The following ASTN2 variants were observed in gnomAD, a reference collection of about 807,000 sequenced individuals.
ASTN2 encodes the protein astrotactin 2.
Under a neutral mutation model 139.8 loss-of-function variants are expected in ASTN2, and 54 were observed. That is an observed-to-expected ratio of 0.39 (90% confidence interval 0.31 to 0.48). The LOEUF (loss-of-function observed/expected upper bound fraction) is 0.48, where lower values mean the gene tolerates loss of function less well. ASTN2 is among the 20% of genes least tolerant of loss of function. The probability of loss-of-function intolerance (pLI) is 0.95; values close to 1 mark genes in which losing one functional copy is unlikely to be tolerated. For synonymous variants in ASTN2, 756 were observed against 719.5 expected, an observed-to-expected ratio of 1.05 and a Z score of -0.81; for missense variants, 1,565 against 1,725.1, an observed-to-expected ratio of 0.91 and a Z score of 1.64.
chr9:116,815,366 G>A (rs989081444), intron 12 of ASTN2, among the ~76,000 whole-genome samples: 2 of 152,064 alleles, frequency 1.3e-5, no homozygotes, highest in African/African-American at 4.8e-5. Context: ...TGTGTTTTTA[G>A]GGCACTTTCA....
At chr9:116,564,009 A>G (rs1853057585) in intron 19 of ASTN2, among the ~76,000 whole-genome samples, 1 of 152,094 alleles carries the variant, frequency 6.6e-6, no homozygotes, top group Non-Finnish European at 1.5e-5. Context: ...TATACCATAA[A>G]CTCTTTGCAA....
chr9:117,263,706 T>C (rs780575760), intron 2 of ASTN2, among the ~76,000 whole-genome samples: 2 of 152,192 alleles, frequency 1.3e-5, no homozygotes, highest in Non-Finnish European at 2.9e-5. Context: ...AGAATTGTGG[T>C]AATATGGTTT....
At chr9:116,779,142 G>T (rs1395519931) in intron 13 of ASTN2, among the ~76,000 whole-genome samples, 1 of 152,076 alleles carries the variant, frequency 6.6e-6, no homozygotes, top group African/African-American at 2.4e-5. Context: ...TCCTGTTATG[G>T]TCTGTCCCCA....
chr9:116,725,526 T>C (rs1216678974), intron 16 of ASTN2, among the ~76,000 whole-genome samples: 2 of 152,032 alleles, frequency 1.3e-5, no homozygotes, highest in Non-Finnish European at 2.9e-5. Flanking sequence ...TTCTGGAGTC[T>C]AGAACACTAA....
intron 3 of ASTN2, among the ~76,000 whole-genome samples, chr9:117,178,482 C>G (rs1166537253): frequency 6.6e-6 from 1 of 152,106 alleles, no homozygotes; most frequent in African/African-American, 2.4e-5. Flanking sequence ...ACTTAAGGAC[C>G]AGAGATATAT....
intron 10 of ASTN2, among the ~76,000 whole-genome samples, chr9:116,881,615 C>G (rs1588379883): frequency 6.6e-6 from 1 of 152,338 alleles, no homozygotes; most frequent in Non-Finnish European, 1.5e-5. Flanking sequence ...TGTAAATTCC[C>G]TTTTACTGCA....
intron 1 of ASTN2, among the ~76,000 whole-genome samples, chr9:117,314,956 A>G (rs1016510433): frequency 2.8e-3 from 204 of 73,610 alleles, no homozygotes; most frequent in Non-Finnish European, 4.8e-3. Flanking sequence ...ATATACACAT[A>G]ACATAATATT....
intron 19 of ASTN2, among the ~76,000 whole-genome samples, chr9:116,587,758 T>G (rs1854216561): frequency 6.6e-6 from 1 of 152,176 alleles, no homozygotes; most frequent in Admixed American, 6.5e-5. Flanking sequence ...AGTCCAAGGA[T>G]ACACCACATT....
chr9:116,554,534 G>A (rs58280438), intron 19 of ASTN2, among the ~76,000 whole-genome samples: 24,149 of 152,142 alleles, frequency 0.16, 2,085 homozygotes, highest in African/African-American at 0.21. Flanking sequence ...TTCTTATAGT[G>A]CTTCAAATTA....
At chr9:117,015,497 AC>A (rs1341906482) in intron 6 of ASTN2, among the ~76,000 whole-genome samples, 1 of 152,042 alleles carries the variant, frequency 6.6e-6, no homozygotes, top group Non-Finnish European at 1.5e-5. Context: ...CTATCAATGG[AC>A]CCCCTGGAGG....
intron 5 of ASTN2, among the ~76,000 whole-genome samples, chr9:117,088,828 G>A (rs1828632212): frequency 6.6e-6 from 1 of 152,162 alleles, no homozygotes; most frequent in Non-Finnish European, 1.5e-5. Context: ...GGAGACAGAT[G>A]CACCCAAACC....
At chr9:117,022,183 C>T (rs1165369392) in intron 6 of ASTN2, among the ~76,000 whole-genome samples, 1 of 152,096 alleles carries the variant, frequency 6.6e-6, no homozygotes, top group East Asian at 1.9e-4. Flanking sequence ...ACTCCTGCTG[C>T]CTCTGAGGAC....
chr9:117,077,059 A>C (rs1587937550), intron 5 of ASTN2, among the ~76,000 whole-genome samples: 1 of 152,124 alleles, frequency 6.6e-6, no homozygotes, highest in Non-Finnish European at 1.5e-5. Flanking sequence ...TGCCCTCTGC[A>C]TGGTAACGAG....
intron 5 of ASTN2, among the ~76,000 whole-genome samples, chr9:117,077,189 C>A (rs114882490): frequency 0.01 from 1,571 of 152,202 alleles, 30 homozygotes; most frequent in African/African-American, 0.036. Flanking sequence ...TTGGGCTCTG[C>A]CATCAGGTGG....
intron 19 of ASTN2, among the ~76,000 whole-genome samples, chr9:116,592,728 G>A (rs1353568137): frequency 6.6e-6 from 1 of 152,184 alleles, no homozygotes; most frequent in Admixed American, 6.5e-5. Context: ...CAACCTTAGA[G>A]ATAGAAAGCT....
intron 22 of ASTN2, among the ~76,000 whole-genome samples, chr9:116,435,060 C>T (rs1847608892): frequency 6.6e-6 from 1 of 152,114 alleles, no homozygotes. Context: ...AACCTGGGTC[C>T]CTCAGAAACA....
chr9:117,149,942 G>A (rs1183221288), intron 3 of ASTN2, among the ~76,000 whole-genome samples: 4 of 152,156 alleles, frequency 2.6e-5, no homozygotes, highest in Admixed American at 1.3e-4. Context: ...GCAAGCGTCT[G>A]CAGACAAGAC....
chr9:116,756,770 A>AAC (rs111716372), intron 13 of ASTN2, among the ~76,000 whole-genome samples: 62,332 of 147,892 alleles, frequency 0.42, 13,433 homozygotes, highest in South Asian at 0.67. Flanking sequence ...CTCCGAATAA[A>AAC]ACACACACAC....
intron 19 of ASTN2, among the ~76,000 whole-genome samples, chr9:116,503,534 T>C (rs1244621301): frequency 2.0e-5 from 3 of 152,196 alleles, no homozygotes; most frequent in Non-Finnish European, 4.4e-5. Context: ...ATTTAGCTGG[T>C]CAGTTTTTCC....
Sources: allele counts gnomAD v4.1 joint callset (sites outside exome capture counted in the v4.1 genomes callset), GRCh38; gene constraint gnomAD v4.1.1; transcripts MANE v1.5; gene names NCBI Gene and HGNC (gene_info 2026-07-23, HGNC 2026-07-21).